Variants in SGK3 observed in about 807,000 individuals in gnomAD.
SGK3 encodes the protein serum/glucocorticoid regulated kinase family member 3.
SGK3 carries 47 observed loss-of-function variants against 68.5 expected under a neutral mutation model. The observed-to-expected ratio is 0.69, with a 90% confidence interval of 0.54 to 0.87. The LOEUF is 0.87. Ranked by LOEUF, SGK3 falls within the 40% of genes least tolerant of loss-of-function variation. The pLI is 0.00. For missense variants in SGK3, 479 were observed against 575.5 expected, an observed-to-expected ratio of 0.83 and a Z score of 1.72; for synonymous variants, 181 against 189.1, an observed-to-expected ratio of 0.96 and a Z score of 0.35.
intron 1 of SGK3, chr8:66,737,335 A>G (rs1805350155): frequency 1.3e-5 from 2 of 151,898 alleles, no homozygotes; most frequent in South Asian, 2.1e-4. Flanking sequence ...CTTGGGCAAC[A>G]TGGTGAGACC....
intron 1 of SGK3, among the ~76,000 whole-genome samples, chr8:66,762,515 C>CA (rs1295895838): frequency 6.6e-6 from 1 of 151,834 alleles, no homozygotes; most frequent in Middle Eastern, 3.2e-3. Context: ...GACCGCGTCT[C>CA]AAAAAACAAA....
chr8:66,770,480 G>T (rs1806472140), intron 1 of SGK3, among the ~76,000 whole-genome samples: 1 of 151,936 alleles, frequency 6.6e-6, no homozygotes, highest in South Asian at 2.1e-4. Context: ...ACTTCCATGT[G>T]TTTTTTTCTG....
intron 1 of SGK3, among the ~76,000 whole-genome samples, chr8:66,717,248 C>T (rs935986572): frequency 1.4e-5 from 2 of 145,244 alleles, no homozygotes; most frequent in Admixed American, 6.9e-5. Context: ...AAAAAAAAAA[C>T]GCTGGGCTTG....
chr8:66,722,143 T>A (rs1309952567), intron 1 of SGK3, among the ~76,000 whole-genome samples: 3 of 152,200 alleles, frequency 2.0e-5, no homozygotes, highest in Non-Finnish European at 4.4e-5. Context: ...TCAGCTCGCC[T>A]GTAAAGGTGC....
intron 3 of SGK3, among the ~76,000 whole-genome samples, chr8:66,801,352 T>G (rs903515647): frequency 6.0e-5 from 9 of 151,138 alleles, no homozygotes; most frequent in African/African-American, 1.5e-4. Context: ...TTGAGATAGG[T>G]TTTTTTTCTG....
chr8:66,787,166 AC>A (rs1807243257), intron 1 of SGK3, among the ~76,000 whole-genome samples: 1 of 148,792 alleles, frequency 6.7e-6, no homozygotes, highest in African/African-American at 2.5e-5. Context: ...CTGGTCTTGA[AC>A]TCCTGACCTC....
intron 1 of SGK3, among the ~76,000 whole-genome samples, chr8:66,778,462 A>G (rs1365047508): frequency 6.6e-6 from 1 of 152,050 alleles, no homozygotes; most frequent in Admixed American, 6.5e-5. Context: ...ACGCTCGGCT[A>G]ATTTTTTGTA....
intron 1 of SGK3, among the ~76,000 whole-genome samples, chr8:66,758,037 C>CACACACACACACACACACACA: frequency 2.0e-5 from 3 of 149,530 alleles, no homozygotes; most frequent in African/African-American, 7.4e-5. Context: ...CACACACACA[C>CACACACACACACACACACACA]CCTTTACATG....
intron 4 of SGK3, among the ~76,000 whole-genome samples, chr8:66,811,017 C>CT (rs1193167949): frequency 6.6e-6 from 1 of 152,078 alleles, no homozygotes; most frequent in African/African-American, 2.4e-5. Flanking sequence ...ATACTTTTAA[C>CT]TTTATTTATA....
intron 1 of SGK3, among the ~76,000 whole-genome samples, chr8:66,723,854 A>C (rs1804896655): frequency 6.6e-6 from 1 of 152,108 alleles, no homozygotes; most frequent in Non-Finnish European, 1.5e-5. Flanking sequence ...TCTCATTTCT[A>C]ATTGATCTCT....
At chr8:66,750,306 A>G (rs574881894) in intron 1 of SGK3, among the ~76,000 whole-genome samples, 43 of 152,132 alleles carry the variant, frequency 2.8e-4, no homozygotes, top group African/African-American at 8.9e-4. Context: ...TCTTATAACA[A>G]TCTAACATCG....
At chr8:66,814,435 C>G (rs1808499577) in intron 5 of SGK3, among the ~76,000 whole-genome samples, 1 of 152,050 alleles carries the variant, frequency 6.6e-6, no homozygotes, top group Non-Finnish European at 1.5e-5. Flanking sequence ...GGAAGGCTTC[C>G]TGCAACTTAA....
At chr8:66,799,729 CTCG>C (rs1367409246) in intron 3 of SGK3, among the ~76,000 whole-genome samples, 1 of 152,200 alleles carries the variant, frequency 6.6e-6, no homozygotes, top group African/African-American at 2.4e-5. Flanking sequence ...TCAAGTGATT[CTCG>C]TGCCTCAGTC....
Position 66,747,405 on chromosome 8 carries a change from C to T in SGK3, c.-122+34572C>T, listed in dbSNP as rs571857610. The stretch of plus-strand genomic sequence containing the variant: ...ACTATCTTCAAGTAGTTTAAACAGC[C>T]ACACAGTTTTCTGAATATATGGTAC... On this transcript the variant is annotated intron_variant, in intron 1 of 16. Transcript: ENST00000521198. Among the ~76,000 whole-genome samples, 161 of 152,240 alleles carry T rather than the reference C, an allele frequency of 1.1e-3. 1 individual carries two copies. The highest frequency in any genetic ancestry group is 3.8e-3 in the African/African-American group (158 of 41,532).
chr8:66,752,721 C>G (rs1448405353), intron 1 of SGK3, among the ~76,000 whole-genome samples: 1 of 151,958 alleles, frequency 6.6e-6, no homozygotes, highest in Non-Finnish European at 1.5e-5. Context: ...TGCTTATCCA[C>G]AGTGGTTTGA....
At chr8:66,762,169 ATGT>A (rs1226340074) in intron 1 of SGK3, among the ~76,000 whole-genome samples, 1 of 152,130 alleles carries the variant, frequency 6.6e-6, no homozygotes, top group Admixed American at 6.5e-5. Context: ...GGGTTTCACC[ATGT>A]TGGCCAGGCT....
intron 16 of SGK3, among the ~76,000 whole-genome samples, chr8:66,852,430 C>T (rs555307930): frequency 4.0e-5 from 6 of 151,750 alleles, no homozygotes; most frequent in South Asian, 2.1e-4. Context: ...TACAGGCATG[C>T]GCCACCACGC....
Position 66,749,241 on chromosome 8 carries a change from C to T in SGK3, c.-122+36408C>T, listed in dbSNP as rs147891537. On this transcript the variant is annotated intron_variant, in intron 1 of 16. Coordinates refer to ENST00000521198, the MANE Select transcript of SGK3 (RefSeq NM_001033578.3). ...TAGAAAAGTTATTTTTGGCTGGGTG[C>T]GGTGGCTCACACCTGTAATCCCAGC... Among the ~76,000 whole-genome samples the T allele has an allele frequency of 1.1e-4, 16 of 152,110 alleles. No individual in the cohort carries two copies. In the East Asian group the frequency reaches 2.9e-3, roughly 27 times the overall value.
At chr8:66,716,666 T>C (rs1260860842) in intron 1 of SGK3, among the ~76,000 whole-genome samples, 1 of 152,090 alleles carries the variant, frequency 6.6e-6, no homozygotes, top group East Asian at 1.9e-4. Context: ...GTGTGTGAAG[T>C]AAGTGATGTT....
Sources: allele counts gnomAD v4.1 joint callset (sites outside exome capture counted in the v4.1 genomes callset), GRCh38; gene constraint gnomAD v4.1.1; transcripts MANE v1.5; gene names NCBI Gene and HGNC (gene_info 2026-07-23, HGNC 2026-07-21).